HCN1: variants seen among roughly 807,000 people sequenced by gnomAD.
HCN1 encodes hyperpolarization activated cyclic nucleotide gated potassium channel 1.
HCN1 carries 13 observed loss-of-function variants against 78.9 expected under a neutral mutation model. The ratio of observed to expected loss-of-function variants is 0.16; its 90% CI spans 0.11 to 0.26. The LOEUF (loss-of-function observed/expected upper bound fraction) is 0.26. Ranked by LOEUF, HCN1 falls within the 10% of genes least tolerant of loss-of-function variation. The probability of loss-of-function intolerance (pLI) is 1.00; values close to 1 mark genes in which losing one functional copy is unlikely to be tolerated. For synonymous variants in HCN1, 552 were observed against 455.5 expected, an observed-to-expected ratio of 1.21 and a Z score of -2.70; for missense variants, 810 against 1,154.3, an observed-to-expected ratio of 0.70 and a Z score of 4.32.
At chr5:45,533,722 A>T (rs564560655) in intron 2 of HCN1, among the ~76,000 whole-genome samples, 2 of 152,346 alleles carry the variant, frequency 1.3e-5, no homozygotes, top group Non-Finnish European at 2.9e-5. Context: ...AGGCTAAAAA[A>T]TATAGGAAAA....
intron 2 of HCN1, among the ~76,000 whole-genome samples, chr5:45,514,739 A>G (rs1742485758): frequency 1.3e-5 from 2 of 152,048 alleles, no homozygotes; most frequent in Non-Finnish European, 2.9e-5. Flanking sequence ...CCATGAACAG[A>G]ATACACATTT....
intron 2 of HCN1, among the ~76,000 whole-genome samples, chr5:45,589,258 A>T (rs1744306738): frequency 6.6e-6 from 1 of 152,196 alleles, no homozygotes; most frequent in African/African-American, 2.4e-5. Context: ...AGTAAAAGAG[A>T]ATATGATTAA....
At chr5:45,362,150 GTGTT>G (rs1747126421) in intron 4 of HCN1, among the ~76,000 whole-genome samples, 2 of 146,530 alleles carry the variant, frequency 1.4e-5, no homozygotes, top group Admixed American at 6.9e-5. Context: ...CTTGGTGTGT[GTGTT>G]TGTGTGTGTG....
At position 45,322,832 on chromosome 5, in the gene HCN1, G is replaced by T. The variant is rs1304670945; in HGVS notation, c.1378-18993C>A. Among the ~76,000 whole-genome samples, 8 of 151,884 alleles carry T rather than the reference G, an allele frequency of 5.3e-5. No homozygotes were observed. In the East Asian group the frequency reaches 1.6e-3, roughly 30 times the overall value. On this transcript the variant is annotated intron_variant, in intron 5 of 7. Coordinates refer to ENST00000303230, the MANE Select transcript of HCN1 (RefSeq NM_021072.4). ...CCAATTTTATAGATAAACCAAATGA[G>T]TCTCAAAATGGTTGTCATTTGACAA...
chr5:45,567,356 G>A (rs1743728884), intron 2 of HCN1, among the ~76,000 whole-genome samples: 1 of 152,016 alleles, frequency 6.6e-6, no homozygotes, highest in African/African-American at 2.4e-5. Flanking sequence ...GGGGTGACTG[G>A]TAGGAAACAA....
intron 5 of HCN1, among the ~76,000 whole-genome samples, chr5:45,311,026 G>A (rs932528400): frequency 6.6e-6 from 1 of 152,082 alleles, no homozygotes; most frequent in Non-Finnish European, 1.5e-5. Flanking sequence ...GGTGGAAGGA[G>A]GGATAGAACC....
At position 45,359,417 on chromosome 5, in the gene HCN1, ATAT is replaced by A. The variant is rs372005289; in HGVS notation, c.1231-6174_1231-6172del. Among the ~76,000 whole-genome samples, 337 of 132,464 alleles carry A rather than the reference ATAT, an allele frequency of 2.5e-3. 2 individuals carry two copies. The highest frequency in any genetic ancestry group is 9.7e-3 in the African/African-American group (322 of 33,300). 86.9% of individuals were successfully genotyped at this position (132,464 alleles called of 152,430 possible). A position where few individuals can be genotyped will look rare whatever the true frequency, so the allele number is the denominator to read the frequency against. ...TTCAGGAAGCATCAAAAAAAAAAAAATATATATATATATATATCACCTGATTTA... is the reference window on the plus strand; with the variant it reads ...TTCAGGAAGCATCAAAAAAAAAAAAAATATATATATATATCACCTGATTTA... On this transcript the variant is annotated intron_variant, in intron 4 of 7. Coordinates refer to ENST00000303230, the MANE Select transcript of HCN1 (RefSeq NM_021072.4).
chr5:45,500,937 C>G (rs1411744526), intron 2 of HCN1, among the ~76,000 whole-genome samples: 3 of 152,288 alleles, frequency 2.0e-5, no homozygotes, highest in Non-Finnish European at 4.4e-5. Context: ...TTCACATCAA[C>G]AAATGTGTCA....
At chr5:45,351,027 T>A (rs1218820402) in intron 5 of HCN1, among the ~76,000 whole-genome samples, 6 of 152,034 alleles carry the variant, frequency 3.9e-5, no homozygotes, top group Non-Finnish European at 5.9e-5. Context: ...AAAAACTACT[T>A]TAAAATACAT....
At chr5:45,552,175 G>A (rs949499451) in intron 2 of HCN1, among the ~76,000 whole-genome samples, 1 of 151,894 alleles carries the variant, frequency 6.6e-6, no homozygotes, top group African/African-American at 2.4e-5. Context: ...CATCTTTGGC[G>A]AAATCTGTCA....
At chr5:45,612,346 C>T (rs1235304009) in intron 2 of HCN1, among the ~76,000 whole-genome samples, 4 of 152,032 alleles carry the variant, frequency 2.6e-5, no homozygotes, top group Non-Finnish European at 4.4e-5. Context: ...TCTAAGTTTC[C>T]GACTTCATAG....
intron 6 of HCN1, among the ~76,000 whole-genome samples, chr5:45,269,505 T>C (rs532878631): frequency 3.2e-4 from 48 of 152,306 alleles, no homozygotes; most frequent in Admixed American, 1.7e-3. Flanking sequence ...CCAATCACAT[T>C]TAAAGATAAA....
intron 2 of HCN1, among the ~76,000 whole-genome samples, chr5:45,539,888 C>T (rs1743058294): frequency 7.3e-6 from 1 of 137,768 alleles, no homozygotes; most frequent in African/African-American, 2.8e-5. Context: ...GCATAAACAG[C>T]ATAAGGAAAT....
chr5:45,327,315 A>G (rs1189718337), intron 5 of HCN1, among the ~76,000 whole-genome samples: 1 of 151,784 alleles, frequency 6.6e-6, no homozygotes, highest in Non-Finnish European at 1.5e-5. Flanking sequence ...AATATCACCG[A>G]TAGTAGAGTA....
chr5:45,303,119 T>C (rs1745659585), intron 6 of HCN1, among the ~76,000 whole-genome samples: 1 of 152,076 alleles, frequency 6.6e-6, no homozygotes, highest in Non-Finnish European at 1.5e-5. Context: ...CTATACCAAT[T>C]CTGGGCAATC....
chr5:45,452,325 T>G (rs1740936004), intron 3 of HCN1, among the ~76,000 whole-genome samples: 1 of 151,424 alleles, frequency 6.6e-6, no homozygotes. Flanking sequence ...TTTAGTTTTT[T>G]TTTTTTGTTT....
intron 2 of HCN1, among the ~76,000 whole-genome samples, chr5:45,586,319 G>C (rs1390701170): frequency 1.3e-5 from 2 of 152,168 alleles, no homozygotes; most frequent in African/African-American, 2.4e-5. Flanking sequence ...AGGACCCTCT[G>C]AGCCAAGCAC....
intron 2 of HCN1, among the ~76,000 whole-genome samples, chr5:45,622,201 G>A (rs1201920744): frequency 2.7e-5 from 4 of 150,748 alleles, no homozygotes; most frequent in East Asian, 1.9e-4. Flanking sequence ...GGGAGACTTC[G>A]TCTTAAAAAA....
rs530689047 is a variant in HCN1 at position 45,429,956 on chromosome 5, AT to A, written c.1011+31889del. Among the ~76,000 whole-genome samples, 839 of 148,276 alleles carry A rather than the reference AT, an allele frequency of 5.7e-3. 3 individuals carry two copies. The highest frequency in any genetic ancestry group is 6.9e-3 in the Middle Eastern group (2 of 288). On this transcript the variant is annotated intron_variant, in intron 3 of 7. Coordinates refer to ENST00000303230, the MANE Select transcript of HCN1 (RefSeq NM_021072.4). ...AGTACAGTAATGATATCAAAGATGGATTTTTTTTTTTAAGAAAGGCAAGATA... is the reference window on the plus strand; with the variant it reads ...AGTACAGTAATGATATCAAAGATGGATTTTTTTTTTAAGAAAGGCAAGATA...
Sources: gnomAD v4.1 joint callset for allele counts (sites outside exome capture counted in the v4.1 genomes callset) on GRCh38, gnomAD v4.1.1 for gene constraint, MANE v1.5 for transcripts, NCBI Gene and HGNC (gene_info 2026-07-23, HGNC 2026-07-21) for gene names.